The following TMEM39A variants were observed in gnomAD, a reference collection of about 807,000 sequenced individuals.
TMEM39A encodes suppressor of SQST-1 aggregates in rpl-43 mutants.
In TMEM39A, 19 loss-of-function variants were observed where a neutral mutation model predicts 51.9. That is an observed-to-expected ratio of 0.37 (90% CI 0.26 to 0.54). The LOEUF is 0.54. TMEM39A is among the 20% of genes least tolerant of loss of function. The pLI, the probability that TMEM39A is intolerant of heterozygous loss-of-function variation, is 0.88. For synonymous variants in TMEM39A, 197 were observed against 220.2 expected (o/e 0.89, Z 0.93); for missense variants, 433 against 590.5 (o/e 0.73, Z 2.76).
At chr3:119,451,773 C>T (rs772651328) in intron 4 of TMEM39A, among the ~76,000 whole-genome samples, 9 of 131,038 alleles carry the variant, frequency 6.9e-5, no homozygotes, top group African/African-American at 1.5e-4. Flanking sequence ...GAGGTTGTGG[C>T]GAGCCGAGAT....
chr3:119,460,155 G>A (rs986598348), intron 2 of TMEM39A, among the ~76,000 whole-genome samples: 1 of 152,002 alleles, frequency 6.6e-6, no homozygotes, highest in African/African-American at 2.4e-5. Flanking sequence ...ATTTTAAAAT[G>A]TTGGAAAATA....
At chr3:119,439,568 A>T (rs1200645156) in intron 5 of TMEM39A, among the ~76,000 whole-genome samples, 1 of 146,698 alleles carries the variant, frequency 6.8e-6, no homozygotes, top group Non-Finnish European at 1.5e-5. Context: ...AACAAGAGTG[A>T]AACTCCTTCT....
chr3:119,451,165 T>G, intron 4 of TMEM39A: 3 of 1,003,634 alleles, frequency 3.0e-6, no homozygotes, highest in Non-Finnish European at 3.8e-6. Context: ...AAGAAAAGAT[T>G]ATAAACAGAC....
chr3:119,460,135 T>G (rs1219892937), intron 2 of TMEM39A, among the ~76,000 whole-genome samples: 1 of 152,130 alleles, frequency 6.6e-6, no homozygotes, highest in Non-Finnish European at 1.5e-5. Flanking sequence ...CATAAACAAT[T>G]ATTTCTTTCA....
chr3:119,463,326 T>A lies in TMEM39A; in HGVS notation c.-75+10A>T. 2 of 354,204 alleles carry A rather than the reference T, an allele frequency of 5.6e-6. No homozygotes were observed. Among genetic ancestry groups the A allele is most frequent in the Non-Finnish European group, 1.0e-5 (2 of 198,838 alleles). 21.9% of individuals were successfully genotyped at this position (354,204 alleles called of 1,614,324 possible). On this transcript the variant is annotated intron_variant, in intron 1 of 8. Coordinates refer to ENST00000319172, the MANE Select transcript of TMEM39A (RefSeq NM_018266.3). ...ACAGCCGGACCTTGGGGCAGCTCAG[T>A]AATACTCACGCATGGAAGAGTCCCA...
chr3:119,452,167 AT>A (rs961989826), intron 4 of TMEM39A, among the ~76,000 whole-genome samples: 1 of 152,202 alleles, frequency 6.6e-6, no homozygotes, highest in African/African-American at 2.4e-5. Context: ...AATTCATCCT[AT>A]TTTTACTGAA....
rs749052618 is a variant in TMEM39A, at chr3:119,437,747, C to T, written c.924+8G>A. ...CAGGAAGCACATAAAAGTAAGATAA[C>T]CACTTACCTTCACAAAACACAGGGG... On this transcript the variant is annotated splice_region_variant and intron_variant, in intron 6 of 8. Coordinates refer to ENST00000319172, the MANE Select transcript of TMEM39A (RefSeq NM_018266.3). 4 of 1,523,024 alleles carry T rather than the reference C, an allele frequency of 2.6e-6. No homozygotes were observed. The South Asian group carries it at 3.8e-5, about 15-fold the overall frequency. 94.3% of individuals were successfully genotyped at this position (1,523,024 alleles called of 1,614,324 possible). A position where few individuals can be genotyped will look rare whatever the true frequency, so the allele number is the denominator to read the frequency against.
chr3:119,433,580 C>G (rs1275393484), intron 8 of TMEM39A, among the ~76,000 whole-genome samples: 8 of 152,242 alleles, frequency 5.3e-5, no homozygotes, highest in African/African-American at 1.9e-4. Flanking sequence ...AATTTTCAAG[C>G]AGAAAATTCT....
At chr3:119,436,261 C>T (rs2080966430) in intron 7 of TMEM39A, among the ~76,000 whole-genome samples, 2 of 151,994 alleles carry the variant, frequency 1.3e-5, no homozygotes, top group Admixed American at 1.3e-4. Context: ...CACTTAAACA[C>T]AGGAGAAGCA....
chr3:119,446,777 C>A, intron 5 of TMEM39A: 1 of 409,870 alleles, frequency 2.4e-6, no homozygotes, highest in South Asian at 4.2e-5. Flanking sequence ...AAATATTCTC[C>A]ACTGGCAACA....
chr3:119,454,275 A>G (rs943541507), intron 3 of TMEM39A, among the ~76,000 whole-genome samples: 2 of 152,180 alleles, frequency 1.3e-5, no homozygotes, highest in South Asian at 4.1e-4. Context: ...CATTTTAGAG[A>G]TAGTACAGCC....
intron 7 of TMEM39A, among the ~76,000 whole-genome samples, chr3:119,436,239 A>G (rs1467283219): frequency 6.6e-6 from 1 of 152,216 alleles, no homozygotes; most frequent in Non-Finnish European, 1.5e-5. Context: ...GAACTCAGTC[A>G]GGCACAGTTC....
In TMEM39A at chr3:119,461,851, G is replaced by T. The variant is rs146568593; in HGVS notation, c.113+111C>A. 8.3e-5 allele frequency: 69 copies of T among 835,828 alleles called. No homozygotes were observed. In the Middle Eastern group the frequency reaches 1.1e-3, roughly 13 times the overall value. 51.8% of individuals were successfully genotyped at this position (835,828 alleles called of 1,614,324 possible). A position where few individuals can be genotyped will look rare whatever the true frequency, so the allele number is the denominator to read the frequency against. ...CTTGAAGGGCAGGATTTCTACCACA[G>T]TGTCAAGAATAAATCTCAATAAGCA... On this transcript the variant is annotated intron_variant, in intron 2 of 8. Coordinates refer to ENST00000319172, the MANE Select transcript of TMEM39A (RefSeq NM_018266.3).
At position 119,429,848 on chromosome 3, in the gene TMEM39A, C is replaced by T. The variant is rs2080877339; in HGVS notation, c.*2133G>A. 6.6e-6 allele frequency: 1 copy of T among 152,036 alleles called. No homozygotes were observed. Among genetic ancestry groups the T allele is most frequent in the Admixed American group, 6.6e-5 (1 of 15,232 alleles). 9.4% of individuals were successfully genotyped at this position (152,036 alleles called of 1,614,324 possible). ...GCCAGCATCTGGTTCTGTGCTATTC[C>T]CTTAGGATAGGACCAAGACAGATCA... On this transcript the variant is annotated 3_prime_UTR_variant, in exon 9 of 9. Coordinates refer to ENST00000319172, the MANE Select transcript of TMEM39A (RefSeq NM_018266.3).
intron 8 of TMEM39A, among the ~76,000 whole-genome samples, chr3:119,433,790 T>C (rs1387900720): frequency 6.6e-6 from 1 of 152,152 alleles, no homozygotes; most frequent in Non-Finnish European, 1.5e-5. Flanking sequence ...GTTTTCTCAC[T>C]CAAGGGCTTT....
intron 4 of TMEM39A, 118 bp downstream of exon 4, chr3:119,452,329 A>G (rs1337277835): frequency 3.1e-6 from 2 of 652,934 alleles, no homozygotes; most frequent in South Asian, 2.1e-5. Flanking sequence ...CAGAACTCAC[A>G]TGGGAGTAAA....
At chr3:119,462,632 A>AAGGGGG (rs1553773876) in intron 1 of TMEM39A, among the ~76,000 whole-genome samples, 1 of 2,450 alleles carries the variant, frequency 4.1e-4, no homozygotes, top group Admixed American at 3.2e-3. Context: ...GTGTTTCTTC[A>AAGGGGG]AGGGGGGGGG....
chr3:119,459,420 G>A (rs1310446484), intron 2 of TMEM39A, among the ~76,000 whole-genome samples: 2 of 152,162 alleles, frequency 1.3e-5, no homozygotes, highest in African/African-American at 4.8e-5. Flanking sequence ...GGCATAAAGA[G>A]GAATAGAAGA....
intron 3 of TMEM39A, among the ~76,000 whole-genome samples, chr3:119,455,371 T>C (rs1461668004): frequency 6.6e-6 from 1 of 152,228 alleles, no homozygotes; most frequent in African/African-American, 2.4e-5. Flanking sequence ...CAATCCAATT[T>C]TAAGCTTTGT....
Sources: gnomAD v4.1 joint callset for allele counts (sites outside exome capture counted in the v4.1 genomes callset) on GRCh38, gnomAD v4.1.1 for gene constraint, MANE v1.5 for transcripts, NCBI Gene and HGNC (gene_info 2026-07-23, HGNC 2026-07-21) for gene names.